AKAP7: variants seen among roughly 807,000 people sequenced by gnomAD.
AKAP7 encodes the protein A-kinase anchoring protein 7, also known as A kinase (PRKA) anchor protein 7.
AKAP7 carries 39 observed loss-of-function variants against 39.5 expected under a neutral mutation model. The ratio of observed to expected loss-of-function variants is 0.99; its 90% CI spans 0.76 to 1.29. The LOEUF is 1.29. Among genes scored for constraint, AKAP7 ranks in the 50% most tolerant of loss-of-function variants. The pLI is 0.00. For missense variants in AKAP7, 414 were observed against 407.7 expected, an observed-to-expected ratio of 1.02 and a Z score of -0.13; for synonymous variants, 140 against 139.1, an observed-to-expected ratio of 1.01 and a Z score of -0.05.
chr6:131,224,591 T>C (rs1809987271), intron 7 of AKAP7, among the ~76,000 whole-genome samples: 1 of 152,132 alleles, frequency 6.6e-6, no homozygotes, highest in Non-Finnish European at 1.5e-5. Flanking sequence ...CTATCTTTGT[T>C]AATGGTACAT....
the AKAP7 span, among the ~76,000 whole-genome samples, chr6:131,126,741 G>T: frequency 6.6e-6 from 1 of 152,128 alleles, no homozygotes. Context: ...ATATTCATGC[G>T]TCTTGTCTCC....
intron 6 of AKAP7, among the ~76,000 whole-genome samples, chr6:131,203,286 T>C (rs1056573962): frequency 6.6e-5 from 10 of 152,186 alleles, no homozygotes; most frequent in Non-Finnish European, 1.2e-4. Flanking sequence ...TATTTTCTTC[T>C]CTCGGCACTA....
intron 5 of AKAP7, chr6:131,184,561 A>T: frequency 1.4e-6 from 1 of 726,026 alleles, no homozygotes; most frequent in East Asian, 2.5e-5. Context: ...CTGCCCCATC[A>T]TCATGGGGGT....
At chr6:131,210,984 G>A (rs1451179365) in intron 6 of AKAP7, among the ~76,000 whole-genome samples, 1 of 152,156 alleles carries the variant, frequency 6.6e-6, no homozygotes, top group Non-Finnish European at 1.5e-5. Context: ...TGGTCACTTG[G>A]GAATAAGCTG....
intron 7 of AKAP7, among the ~76,000 whole-genome samples, chr6:131,265,304 T>G (rs1813691553): frequency 6.6e-6 from 1 of 152,140 alleles, no homozygotes; most frequent in Admixed American, 6.5e-5. Context: ...CCAGATAATT[T>G]TTGTATTTTT....
chr6:131,184,633 G>A, intron 5 of AKAP7: 1 of 758,544 alleles, frequency 1.3e-6, no homozygotes, highest in Admixed American at 1.7e-5. Context: ...CACCTCCTCA[G>A]GTTGTCCCAT....
At chr6:131,197,809 A>G (rs1354386220) in intron 5 of AKAP7, among the ~76,000 whole-genome samples, 1 of 152,156 alleles carries the variant, frequency 6.6e-6, no homozygotes, top group East Asian at 1.9e-4. Flanking sequence ...CGGTGGAGTC[A>G]AAGGAATGAG....
At chr6:131,213,021 C>T (rs908494993) in intron 6 of AKAP7, among the ~76,000 whole-genome samples, 2 of 152,132 alleles carry the variant, frequency 1.3e-5, no homozygotes, top group African/African-American at 4.8e-5. Flanking sequence ...TGAATGGTAT[C>T]TGAGGTACAG....
At chr6:131,176,797 A>G (rs1479618903) in intron 5 of AKAP7, among the ~76,000 whole-genome samples, 3 of 152,042 alleles carry the variant, frequency 2.0e-5, no homozygotes, top group Non-Finnish European at 4.4e-5. Flanking sequence ...TACTACATGA[A>G]GTCTTGGATT....
intron 7 of AKAP7, among the ~76,000 whole-genome samples, chr6:131,273,198 C>G (rs976125740): frequency 6.6e-6 from 1 of 152,136 alleles, no homozygotes; most frequent in Non-Finnish European, 1.5e-5. Context: ...TTACCTTTAA[C>G]CTTCCTGTCT....
chr6:131,241,915 A>G (rs1461226198), intron 7 of AKAP7: 2 of 392,762 alleles, frequency 5.1e-6, no homozygotes, highest in Non-Finnish European at 6.9e-6. Flanking sequence ...GTGTGATTCA[A>G]GATTGCATCT....
intron 2 of AKAP7, among the ~76,000 whole-genome samples, chr6:131,145,773 C>T (rs1278472718): frequency 6.6e-6 from 1 of 152,112 alleles, no homozygotes; most frequent in Non-Finnish European, 1.5e-5. Context: ...AGGCTGGTCT[C>T]AAACTCCTGG....
rs1031191294 is a variant in AKAP7, at chr6:131,219,860, A to C, written c.850+52A>C. The stretch of plus-strand genomic sequence containing the variant: ...TATCTTTATTTTTAATTTTTTTGGC[A>C]TCACTTTTATCTTGGCAAATATTTA... On this transcript the variant is annotated intron_variant, in intron 7 of 7. Coordinates refer to ENST00000431975, the MANE Select transcript of AKAP7 (RefSeq NM_016377.4). The C allele has an allele frequency of 2.4e-6, 3 of 1,256,466 alleles. No homozygotes were observed. In the African/African-American group the frequency reaches 4.7e-5, roughly 20 times the overall value. The allele number at this position is 1,256,466 out of a possible 1,614,324, so 77.8% of individuals were successfully genotyped here. A position where few individuals can be genotyped will look rare whatever the true frequency, so the allele number is the denominator to read the frequency against.
At chr6:131,244,846 T>C (rs944240921) in intron 7 of AKAP7, among the ~76,000 whole-genome samples, 3 of 152,284 alleles carry the variant, frequency 2.0e-5, no homozygotes, top group Admixed American at 2.0e-4. Flanking sequence ...GAAAAAAAAA[T>C]TCTCTTTCCA....
At chr6:131,156,256 A>T (rs1375820309) in intron 2 of AKAP7, among the ~76,000 whole-genome samples, 1 of 152,154 alleles carries the variant, frequency 6.6e-6, no homozygotes, top group East Asian at 1.9e-4. Flanking sequence ...GGATGCTAGG[A>T]ACTTATTTAG....
intron 5 of AKAP7, among the ~76,000 whole-genome samples, chr6:131,194,655 T>A (rs1204046414): frequency 6.6e-6 from 1 of 152,090 alleles, no homozygotes; most frequent in Non-Finnish European, 1.5e-5. Flanking sequence ...TATGCAGCTA[T>A]TATTGTATTG....
At chr6:131,275,642 A>C (rs1814682627) in intron 7 of AKAP7, among the ~76,000 whole-genome samples, 1 of 152,186 alleles carries the variant, frequency 6.6e-6, no homozygotes, top group African/African-American at 2.4e-5. Context: ...CGTGGCCTAC[A>C]AACATCCATC....
At chr6:131,183,589 A>C (rs1805504040) in intron 5 of AKAP7, among the ~76,000 whole-genome samples, 1 of 151,854 alleles carries the variant, frequency 6.6e-6, no homozygotes, top group African/African-American at 2.4e-5. Context: ...ATAAGAAGAG[A>C]GGTAGAAGAT....
intron 7 of AKAP7, chr6:131,241,944 C>T (rs1360789829): frequency 8.7e-5 from 59 of 674,318 alleles, no homozygotes; most frequent in Non-Finnish European, 1.1e-4. Context: ...GAAACTTGCT[C>T]TGGTAGAAAT....
Sources: allele counts gnomAD v4.1 joint callset (sites outside exome capture counted in the v4.1 genomes callset), GRCh38; gene constraint gnomAD v4.1.1; transcripts MANE v1.5; gene names NCBI Gene and HGNC (gene_info 2026-07-23, HGNC 2026-07-21).